IQCM: variants seen among roughly 807,000 people sequenced by gnomAD.
The protein encoded by IQCM is IQ domain-containing protein M.
In IQCM, 45 loss-of-function variants were observed where a neutral mutation model predicts 57.6. The observed-to-expected ratio is 0.78, with a 90% CI of 0.62 to 1.00. IQCM has a LOEUF of 1.00. Among genes scored for constraint, IQCM ranks in the 50% least tolerant of loss-of-function variants. The probability of loss-of-function intolerance (pLI) is 0.00; values close to 1 mark genes in which losing one functional copy is unlikely to be tolerated. For missense variants in IQCM, 468 were observed against 511.6 expected (o/e 0.91, Z 0.82); for synonymous variants, 148 against 158.9 (o/e 0.93, Z 0.51).
intron 13 of IQCM, among the ~76,000 whole-genome samples, chr4:149,388,989 G>A (rs1731649772): frequency 6.6e-6 from 1 of 151,274 alleles, no homozygotes; most frequent in Non-Finnish European, 1.5e-5. Flanking sequence ...AAATTTTAGT[G>A]AAGTACAACT....
At chr4:149,684,534 A>G (rs1316083466) in intron 6 of IQCM, among the ~76,000 whole-genome samples, 1 of 151,414 alleles carries the variant, frequency 6.6e-6, no homozygotes, top group Non-Finnish European at 1.5e-5. Context: ...GAGTTGGGTC[A>G]TTCATACTAA....
chr4:149,602,035 C>CAAAAAAA (rs1236897737), intron 8 of IQCM, among the ~76,000 whole-genome samples: 11 of 35,372 alleles, frequency 3.1e-4, no homozygotes, highest in African/African-American at 3.9e-4. Flanking sequence ...GCCTGGGCGA[C>CAAAAAAA]AAAAAAAAAA....
At chr4:149,594,044 C>A (rs1020651208) in intron 8 of IQCM, among the ~76,000 whole-genome samples, 1 of 152,164 alleles carries the variant, frequency 6.6e-6, no homozygotes, top group Non-Finnish European at 1.5e-5. Flanking sequence ...ACCAGCTCCT[C>A]CTTGTACCTC....
chr4:149,610,778 A>T (rs1340433555), intron 8 of IQCM, among the ~76,000 whole-genome samples: 1 of 152,100 alleles, frequency 6.6e-6, no homozygotes, highest in Non-Finnish European at 1.5e-5. Context: ...AGAAGAAAAC[A>T]TTGGGTAAAC....
At chr4:149,748,599 A>G (rs1381509864) in intron 2 of IQCM, 1 of 152,044 alleles carries the variant, frequency 6.6e-6, no homozygotes, top group Non-Finnish European at 1.5e-5. Context: ...TTTTTCTGTG[A>G]TCTTATTTTA....
intron 2 of IQCM, among the ~76,000 whole-genome samples, chr4:149,751,829 C>G (rs1354285256): frequency 6.6e-6 from 1 of 151,910 alleles, no homozygotes; most frequent in Non-Finnish European, 1.5e-5. Flanking sequence ...AAGCAGCAGA[C>G]TCGGGGAGGG....
intron 7 of IQCM, among the ~76,000 whole-genome samples, chr4:149,624,356 C>T (rs1756616388): frequency 6.6e-6 from 1 of 152,056 alleles, no homozygotes; most frequent in South Asian, 2.1e-4. Flanking sequence ...AGACCATCTC[C>T]CCTCACTTTC....
chr4:149,373,962 C>A (rs1348957126), intron 13 of IQCM, among the ~76,000 whole-genome samples: 2 of 152,166 alleles, frequency 1.3e-5, no homozygotes, highest in Non-Finnish European at 2.9e-5. Flanking sequence ...TTCTTGCAGG[C>A]AAGGTCAAGG....
intron 2 of IQCM, among the ~76,000 whole-genome samples, chr4:149,800,978 A>T (rs1372878110): frequency 6.6e-6 from 1 of 151,876 alleles, no homozygotes; most frequent in African/African-American, 2.4e-5. Context: ...ATAGAAAAAA[A>T]ATTCTAAAAT....
In IQCM at chr4:149,453,038, TA is replaced by T. The variant is rs1227603321; in HGVS notation, c.1229-19482del. ...AGAAATTTTTAAAAAAGGAAATGAG[TA>T]AAAAAAAAAAATGACAAATAGAAAG... is the stretch of plus-strand genomic sequence containing the variant. On this transcript the variant is annotated intron_variant, in intron 12 of 13. Transcript: ENST00000636793. 3.6e-3 allele frequency among the ~76,000 whole-genome samples: 469 copies of T among 130,086 alleles called. 2 individuals are homozygous for T. The highest frequency in any genetic ancestry group is 7.4e-3 in the South Asian group (31 of 4,182). The allele number at this position is 130,086 out of a possible 152,430, so 85.3% of individuals were successfully genotyped here. A position where few individuals can be genotyped will look rare whatever the true frequency, so the allele number is the denominator to read the frequency against.
intron 5 of IQCM, among the ~76,000 whole-genome samples, chr4:149,698,872 C>A (rs1428123254): frequency 6.6e-6 from 1 of 151,980 alleles, no homozygotes; most frequent in Non-Finnish European, 1.5e-5. Context: ...CACATCTGAG[C>A]TCAGCTTCGT....
intron 8 of IQCM, among the ~76,000 whole-genome samples, chr4:149,605,919 T>C (rs189802500): frequency 1.6e-4 from 24 of 152,262 alleles, no homozygotes; most frequent in African/African-American, 5.1e-4. Context: ...TAAAATAAAG[T>C]ACCAGAAAAA....
intron 7 of IQCM, among the ~76,000 whole-genome samples, chr4:149,676,937 T>A (rs1761800958): frequency 6.6e-6 from 1 of 151,812 alleles, no homozygotes; most frequent in Admixed American, 6.6e-5. Context: ...TATACCAGAA[T>A]TCAAACACAA....
intron 12 of IQCM, among the ~76,000 whole-genome samples, chr4:149,462,574 A>G (rs992325477): frequency 2.6e-5 from 4 of 152,206 alleles, no homozygotes; most frequent in African/African-American, 9.7e-5. Context: ...CAATACAGCA[A>G]TAGGAGTATT....
At chr4:149,446,620 C>T (rs1255052206) in intron 12 of IQCM, among the ~76,000 whole-genome samples, 1 of 151,582 alleles carries the variant, frequency 6.6e-6, no homozygotes, top group Non-Finnish European at 1.5e-5. Context: ...ATGGGTCTTA[C>T]ATTTACTCAT....
At chr4:149,393,213 T>G (rs1165944267) in intron 13 of IQCM, among the ~76,000 whole-genome samples, 1 of 151,914 alleles carries the variant, frequency 6.6e-6, no homozygotes, top group Non-Finnish European at 1.5e-5. Context: ...AATAAAATAC[T>G]ATTAAAATAT....
chr4:149,480,550 A>G (rs185065866), intron 12 of IQCM, among the ~76,000 whole-genome samples: 17 of 152,306 alleles, frequency 1.1e-4, no homozygotes, highest in Admixed American at 2.6e-4. Flanking sequence ...TTCACTTATC[A>G]TAATGACTTC....
intron 12 of IQCM, among the ~76,000 whole-genome samples, chr4:149,487,908 T>C (rs753940822): frequency 2.0e-5 from 3 of 152,108 alleles, no homozygotes; most frequent in Non-Finnish European, 2.9e-5. Flanking sequence ...GGTACTGTGA[T>C]TGCTCATCTG....
intron 5 of IQCM, among the ~76,000 whole-genome samples, chr4:149,697,480 G>A (rs1763429979): frequency 6.6e-6 from 1 of 152,038 alleles, no homozygotes; most frequent in Admixed American, 6.6e-5. Flanking sequence ...TAAATGTCTG[G>A]TAGCCTGAAA....
Sources: gnomAD v4.1 joint callset for allele counts (sites outside exome capture counted in the v4.1 genomes callset) on GRCh38, gnomAD v4.1.1 for gene constraint, MANE v1.5 for transcripts, NCBI Gene and HGNC (gene_info 2026-07-23, HGNC 2026-07-21) for gene names.